The following ASTL variants were observed in gnomAD, a reference collection of about 807,000 sequenced individuals.
ASTL encodes the protein astacin like metalloendopeptidase.
A neutral mutation model predicts 36.7 loss-of-function variants in ASTL; 27 were observed. The observed-to-expected ratio is 0.73, with a 90% CI of 0.54 to 1.01. The LOEUF (loss-of-function observed/expected upper bound fraction) is 1.01, where lower values mean the gene tolerates loss of function less well. ASTL is among the 50% of genes least tolerant of loss of function. ASTL has a pLI of 0.00. For synonymous variants in ASTL, 222 were observed against 228.1 expected, an observed-to-expected ratio of 0.97 and a Z score of 0.24; for missense variants, 524 against 572.8, an observed-to-expected ratio of 0.91 and a Z score of 0.87.
intron 3 of ASTL, among the ~76,000 whole-genome samples, chr2:96,134,335 C>A (rs1472434267): frequency 6.6e-6 from 1 of 152,342 alleles, no homozygotes; most frequent in Middle Eastern, 3.4e-3. Context: ...GGCTAGGAGG[C>A]CCAGCACCCC....
intron 5 of ASTL, 151 bp downstream of exon 5, chr2:96,133,274 G>A: frequency 1.5e-6 from 1 of 687,038 alleles, no homozygotes; most frequent in Non-Finnish European, 2.6e-6. Flanking sequence ...CGCCCTGGAG[G>A]TCCAGCTCAC....
chr2:96,138,207 G>T (rs930817861), intron 1 of ASTL, among the ~76,000 whole-genome samples, 175 bp downstream of exon 1: 11 of 152,146 alleles, frequency 7.2e-5, no homozygotes, highest in Admixed American at 2.0e-4. Context: ...GGGCCTTCAG[G>T]AGGCCTCCCC....
rs1369157732 is a variant in ASTL, at chr2:96,135,420, A to T, written c.182-8T>A. On this transcript the variant is annotated splice_region_variant and splice_polypyrimidine_tract_variant and intron_variant, in intron 2 of 8. Transcript: ENST00000342380. Reference sequence around the variant, plus strand: ...TTTCTTCCAGGATGAGCCCTGGGAAAGGAAGAAGGACGTGTTGGCCCATGT... The same window carrying T: ...TTTCTTCCAGGATGAGCCCTGGGAATGGAAGAAGGACGTGTTGGCCCATGT... The T allele has an allele frequency of 6.2e-7, 1 of 1,613,920 alleles. No homozygotes were observed. Among genetic ancestry groups the T allele is most frequent in the Non-Finnish European group, 8.5e-7 (1 of 1,179,882 alleles).
rs1198196597 is a variant in ASTL, at chr2:96,134,131, C to A, written c.244-73G>T. ...GCTTTGTGCCCCAAGGGTACCACAC[C>A]CCAGGGCACCAGAACCCCAAAGATG... On this transcript the variant is annotated intron_variant, in intron 3 of 8. Transcript: ENST00000342380. The A allele has an allele frequency of 3.1e-6, 3 of 976,148 alleles. No homozygotes were observed. The African/African-American group carries it at 4.8e-5, about 16-fold the overall frequency. 60.5% of individuals were successfully genotyped at this position (976,148 alleles called of 1,614,324 possible).
intron 6 of ASTL, among the ~76,000 whole-genome samples, chr2:96,131,680 G>A (rs972384493): frequency 2.0e-5 from 3 of 152,158 alleles, no homozygotes; most frequent in African/African-American, 7.2e-5. Context: ...GAGAGCCACT[G>A]AGAAAGCGGT....
At chr2:96,133,824 AGAAGG>A in intron 4 of ASTL, 136 bp downstream of exon 4, 1 of 695,500 alleles carries the variant, frequency 1.4e-6, no homozygotes, top group Non-Finnish European at 2.6e-6. Context: ...CTTCAGCAAC[AGAAGG>A]GCATCTGTGG....
intron 4 of ASTL, 117 bp from the exon 5 acceptor site, chr2:96,133,659 CT>C: frequency 1.3e-6 from 1 of 779,938 alleles, no homozygotes; most frequent in Non-Finnish European, 2.2e-6. Context: ...GAAAGGGCAG[CT>C]TAGTGGTGCC....
chr2:96,135,864 G>A (rs1339085423), intron 2 of ASTL, among the ~76,000 whole-genome samples: 3 of 152,128 alleles, frequency 2.0e-5, no homozygotes, highest in Admixed American at 6.5e-5. Flanking sequence ...TCCCAAGCCC[G>A]GGTCCCTGCT....
intron 1 of ASTL, 148 bp downstream of exon 1, chr2:96,138,234 T>C: frequency 1.3e-6 from 1 of 749,172 alleles, no homozygotes; most frequent in Non-Finnish European, 2.2e-6. Context: ...CCCCAGGAGC[T>C]GACTTCTAGA....
intron 8 of ASTL, among the ~76,000 whole-genome samples, chr2:96,128,241 A>G (rs1682102236): frequency 6.6e-6 from 1 of 151,980 alleles, no homozygotes; most frequent in Non-Finnish European, 1.5e-5. Flanking sequence ...AAAAAAAAAA[A>G]AAAAAAGTCT....
intron 1 of ASTL, 25 bp downstream of exon 1, chr2:96,138,357 C>T (rs1229021074): frequency 1.3e-6 from 2 of 1,596,658 alleles, no homozygotes; most frequent in Admixed American, 3.4e-5. Flanking sequence ...GAGCCAGCAG[C>T]AGGAGGGACA....
Position 96,125,804 on chromosome 2 carries a change from T to G in ASTL, c.875-1533A>C, listed in dbSNP as rs537186389. 5.8e-4 allele frequency among the ~76,000 whole-genome samples: 89 copies of G among 152,310 alleles called. 2 individuals are homozygous for G. The South Asian group carries it at 0.018, about 31-fold the overall frequency. ...CTAAAAATACAAAACGTAGCCAGCATGGTGGTGCTCACCTCTAATCCTAGC... is the reference window on the plus strand; with the variant it reads ...CTAAAAATACAAAACGTAGCCAGCAGGGTGGTGCTCACCTCTAATCCTAGC... On this transcript the variant is annotated intron_variant, in intron 8 of 8. Transcript: ENST00000342380.
Position 96,123,747 on chromosome 2 carries a change from G to A in ASTL, c.*103C>T. The A allele has an allele frequency of 2.2e-6, 2 of 898,914 alleles. No individual in the cohort carries two copies. The highest frequency in any genetic ancestry group is 1.7e-6 in the Non-Finnish European group (1 of 578,282). The allele number at this position is 898,914 out of a possible 1,614,324, so 55.7% of individuals were successfully genotyped here. A position where few individuals can be genotyped will look rare whatever the true frequency, so the allele number is the denominator to read the frequency against. On this transcript the variant is annotated 3_prime_UTR_variant, in exon 9 of 9. Coordinates refer to ENST00000342380, the MANE Select transcript of ASTL (RefSeq NM_001002036.4). ...GCCCTCTGAGATGGGGTGGTAGGTT[G>A]GGGCTGGAAGACAGTGGTGTGGCCC... is the stretch of plus-strand genomic sequence containing the variant.
rs1558712246 is a variant in ASTL at position 96,123,587 on chromosome 2, G to A, written c.*263C>T. 1.3e-5 allele frequency among the ~76,000 whole-genome samples: 2 copies of A among 152,170 alleles called. No individual in the cohort carries two copies. The highest frequency in any genetic ancestry group is 2.4e-5 in the African/African-American group (1 of 41,440). On this transcript the variant is annotated 3_prime_UTR_variant, in exon 9 of 9. Coordinates refer to ENST00000342380, the MANE Select transcript of ASTL (RefSeq NM_001002036.4). Reference sequence around the variant, plus strand: ...TGGAGAATGTCACCTCCCATTCCCAGCATCCACCAGGGCTGGGCAAAAGTC... The same window carrying A: ...TGGAGAATGTCACCTCCCATTCCCAACATCCACCAGGGCTGGGCAAAAGTC...
chr2:96,127,763 G>A (rs188258087), intron 8 of ASTL, among the ~76,000 whole-genome samples: 21 of 151,942 alleles, frequency 1.4e-4, no homozygotes, highest in African/African-American at 4.1e-4. Flanking sequence ...TTTAAGAGAC[G>A]GGGTCTTACT....
At position 96,132,490 on chromosome 2, in the gene ASTL, G is replaced by A. The variant is rs115782187; in HGVS notation, c.637+50C>T. The A allele has an allele frequency of 9.8e-4, 1,501 of 1,524,132 alleles. 14 individuals carry two copies. The African/African-American group carries it at 0.017, about 17-fold the overall frequency. The allele number at this position is 1,524,132 out of a possible 1,614,324, so 94.4% of individuals were successfully genotyped here. On this transcript the variant is annotated intron_variant, in intron 6 of 8. Coordinates refer to ENST00000342380, the MANE Select transcript of ASTL (RefSeq NM_001002036.4). The surrounding 1 kb of genome is among the most constrained non-coding windows in gnomAD (Gnocchi z 5.4). ...GGACCAGGCGACTTGGGCCCAAGCC[G>A]TGCTGTCCCCTCCCCGGCACCAGCC...
intron 1 of ASTL, among the ~76,000 whole-genome samples, chr2:96,138,048 C>T (rs1682341742): frequency 6.6e-6 from 1 of 152,178 alleles, no homozygotes; most frequent in African/African-American, 2.4e-5. Context: ...ATGACTCTCT[C>T]TCAGCCCAGG....
At position 96,124,127 on chromosome 2, in the gene ASTL, C is replaced by A. The variant is rs1228429243; in HGVS notation, c.1019G>T (p.Gly340Val). ...AGGQPVPAGP[G>V]ESPHGWESPA... is the part of the protein sequence containing the mutation. ...GGACTCCCACCCATGTGGGCTCTCC[C>A]CAGGCCCTGCAGGAACGGGCTGGCC... is the stretch of plus-strand genomic sequence containing the variant. The change falls in exon 9 of 9, where the codon GGG (glycine) becomes GTG (valine). Residue 340 changes from glycine (G) to valine (V), a missense_variant. Gly to Val is a moderately radical substitution (Grantham distance 109). Coordinates refer to ENST00000342380, the MANE Select transcript of ASTL (RefSeq NM_001002036.4). This position sits in a 1 kb window ranked among gnomAD's most constrained non-coding sequence, Gnocchi z 4.1. 6.3e-6 allele frequency: 10 copies of A among 1,590,506 alleles called. No homozygotes were observed. The highest frequency in any genetic ancestry group is 1.7e-4 in the Middle Eastern group (1 of 5,950).
Position 96,124,008 on chromosome 2 carries a change from CG to C in ASTL, c.1137del (p.Gly380ValfsTer61). 1 of 1,614,006 alleles carries C rather than the reference CG, an allele frequency of 6.2e-7. No homozygotes were observed. Among genetic ancestry groups the C allele is most frequent in the South Asian group, 1.1e-5 (1 of 91,080 alleles). On this transcript the variant is annotated frameshift_variant, in exon 9 of 9. Transcript: ENST00000342380. LOFTEE classifies it low-confidence loss of function (END_TRUNC). This position sits in a 1 kb window ranked among gnomAD's most constrained non-coding sequence, Gnocchi z 4.1. ...SPRSRPGAGA[P>X]GVAQEQSWLA... ...AGCCAGGACTGCTCCTGAGCAACAC[CG>C]GGGGCACCTGCTCCAGGCCTTGATC...
Sources: gnomAD v4.1 joint callset for allele counts (sites outside exome capture counted in the v4.1 genomes callset) on GRCh38, gnomAD v4.1.1 for gene constraint, Gnocchi (gnomAD v3.1) non-coding constraint, MANE v1.5 for transcripts, NCBI Gene and HGNC (gene_info 2026-07-23, HGNC 2026-07-21) for gene names.